EIF5B: variants seen among roughly 807,000 people sequenced by gnomAD.
EIF5B encodes eIF-5B.
In EIF5B, 47 loss-of-function variants were observed where a neutral mutation model predicts 147.5. That is an observed-to-expected ratio of 0.32 (90% CI 0.25 to 0.41). EIF5B has a LOEUF of 0.41. Among genes scored for constraint, EIF5B ranks in the 10% least tolerant of loss-of-function variants. The probability of loss-of-function intolerance (pLI) is 1.00; values close to 1 mark genes in which losing one functional copy is unlikely to be tolerated. For synonymous variants in EIF5B, 455 were observed against 456.2 expected (o/e 1.00, Z 0.03); for missense variants, 1,064 against 1,413.2 (o/e 0.75, Z 3.96).
intron 1 of EIF5B, among the ~76,000 whole-genome samples, chr2:99,354,992 C>T (rs749814020): frequency 6.6e-5 from 10 of 151,822 alleles, no homozygotes; most frequent in Non-Finnish European, 1.2e-4. Context: ...TTAGTAGAGA[C>T]GGAGTTTTAC....
At position 99,392,998 on chromosome 2, in the gene EIF5B, C is replaced by A; in HGVS notation, c.2780C>A (p.Ala927Glu). ...NQYEKHKEVE[A>E]AQGVKILGKD... ...TATGAAAAGCATAAAGAAGTAGAAGCAGCTCAGGGGGTAAAGATTCTTGGA... is the reference window on the plus strand; with the variant it reads ...TATGAAAAGCATAAAGAAGTAGAAGAAGCTCAGGGGGTAAAGATTCTTGGA... The change falls in exon 18 of 24, where the codon GCA (alanine) becomes GAA (glutamate). Residue 927 changes from alanine to glutamate, a missense_variant. Transcript: ENST00000289371. 6.4e-7 allele frequency: 1 copy of A among 1,566,972 alleles called. No individual in the cohort carries two copies.
At chr2:99,339,076 G>A (rs2094252752) in intron 1 of EIF5B, among the ~76,000 whole-genome samples, 1 of 146,258 alleles carries the variant, frequency 6.8e-6, no homozygotes, top group Non-Finnish European at 1.5e-5. Flanking sequence ...GGGCAATGGC[G>A]CGATCTCGGC....
chr2:99,378,993 TG>T, intron 10 of EIF5B, 25 bp from the exon 11 acceptor site: 1 of 1,433,516 alleles, frequency 7.0e-7, no homozygotes. Context: ...ATTTAATTTT[TG>T]ATTTTTTTTT....
intron 1 of EIF5B, among the ~76,000 whole-genome samples, chr2:99,353,707 C>T (rs1448848494): frequency 6.6e-6 from 1 of 152,316 alleles, no homozygotes; most frequent in East Asian, 1.9e-4. Context: ...TCACCTGTCT[C>T]TAACCTCAGG....
chr2:99,344,570 G>A (rs1020463726), intron 1 of EIF5B, among the ~76,000 whole-genome samples: 2 of 152,070 alleles, frequency 1.3e-5, no homozygotes, highest in Non-Finnish European at 2.9e-5. Flanking sequence ...CGGAGTAGCT[G>A]GGATTTTAGG....
intron 1 of EIF5B, among the ~76,000 whole-genome samples, chr2:99,350,165 G>A (rs543549962): frequency 2.8e-4 from 42 of 152,166 alleles, no homozygotes; most frequent in African/African-American, 9.6e-4. Flanking sequence ...CTGTGTAGAC[G>A]TACATTTTCT....
At chr2:99,363,235 A>G (rs1674257590) in intron 4 of EIF5B, among the ~76,000 whole-genome samples, 1 of 152,212 alleles carries the variant, frequency 6.6e-6, no homozygotes, top group Non-Finnish European at 1.5e-5. Flanking sequence ...TCCATCTTGT[A>G]GAAGTGAAAT....
chr2:99,374,288 TAA>T (rs33936603), intron 9 of EIF5B, among the ~76,000 whole-genome samples: 44,321 of 108,444 alleles, frequency 0.41, 8,235 homozygotes, highest in Middle Eastern at 0.46. Flanking sequence ...GACTCTTACC[TAA>T]AAAAAAAAAA....
intron 7 of EIF5B, 52 bp from the exon 8 acceptor site, chr2:99,369,340 C>A: frequency 6.9e-7 from 1 of 1,451,842 alleles, no homozygotes. Context: ...AGTATCTTAA[C>A]AGAAATTATA....
Position 99,361,615 on chromosome 2 carries a change from C to A in EIF5B, c.714C>A (p.Arg238=). The A allele has an allele frequency of 6.3e-7, 1 of 1,593,812 alleles. No homozygotes were observed. The highest frequency in any genetic ancestry group is 1.2e-5 in the South Asian group (1 of 85,844). The stretch of plus-strand genomic sequence containing the variant: ...AAAAGAAGGCAGAAAAGAAGGAGCG[C>A]GAGAGAAAAAAGCGAGATGAAGAAA... The part of the protein sequence containing the change: ...VAQKKAEKKE[R]ERKKRDEEKA... The change falls in exon 4 of 24, where the codon CGC becomes CGA. Residue 238 remains arginine, a synonymous_variant. Coordinates refer to ENST00000289371, the MANE Select transcript of EIF5B (RefSeq NM_015904.4).
At chr2:99,345,518 C>T (rs188205346) in intron 1 of EIF5B, among the ~76,000 whole-genome samples, 7 of 147,386 alleles carry the variant, frequency 4.7e-5, no homozygotes, top group East Asian at 4.0e-4. Context: ...TGCTTGAACC[C>T]GGGAGGTGGA....
At chr2:99,349,197 A>G (rs2094279120) in intron 1 of EIF5B, among the ~76,000 whole-genome samples, 1 of 152,240 alleles carries the variant, frequency 6.6e-6, no homozygotes, top group Admixed American at 6.5e-5. Flanking sequence ...CCTCTCAAAG[A>G]GTGTCAGAGA....
At chr2:99,382,666 C>T (rs1674714394) in intron 13 of EIF5B, 114 bp from the exon 14 acceptor site, 5 of 1,071,470 alleles carry the variant, frequency 4.7e-6, no homozygotes, top group Non-Finnish European at 6.3e-6. Flanking sequence ...AGTACTTGAA[C>T]AATTTAATAC....
At chr2:99,388,935 G>A (rs1212706439) in intron 14 of EIF5B, among the ~76,000 whole-genome samples, 1 of 152,108 alleles carries the variant, frequency 6.6e-6, no homozygotes, top group Non-Finnish European at 1.5e-5. Flanking sequence ...TCTAATATAA[G>A]CATTTAAAAG....
intron 4 of EIF5B, 102 bp downstream of exon 4, chr2:99,361,922 A>G (rs1423705880): frequency 3.2e-5 from 35 of 1,109,598 alleles, no homozygotes; most frequent in South Asian, 7.9e-5. Flanking sequence ...CCATGGGTAT[A>G]AAGACACTTG....
At chr2:99,354,652 A>G (rs559886864) in intron 1 of EIF5B, among the ~76,000 whole-genome samples, 15 of 152,220 alleles carry the variant, frequency 9.9e-5, no homozygotes, top group African/African-American at 3.6e-4. Context: ...TTTTTTAAGT[A>G]CATCATATAT....
intron 8 of EIF5B, among the ~76,000 whole-genome samples, 172 bp from the exon 9 acceptor site, chr2:99,371,484 G>A (rs1329846949): frequency 1.7e-5 from 2 of 115,934 alleles, no homozygotes; most frequent in Non-Finnish European, 3.6e-5. Context: ...CAAAGACTCC[G>A]TCTCAAAAAA....
intron 1 of EIF5B, among the ~76,000 whole-genome samples, chr2:99,352,415 C>T (rs1393767508): frequency 6.6e-6 from 1 of 151,230 alleles, no homozygotes; most frequent in Non-Finnish European, 1.5e-5. Context: ...GGCTGGTATC[C>T]AACTCCCAAC....
intron 1 of EIF5B, among the ~76,000 whole-genome samples, chr2:99,338,978 A>G (rs1346960415): frequency 7.0e-6 from 1 of 142,272 alleles, no homozygotes; most frequent in Non-Finnish European, 1.5e-5. Context: ...ATATATATAT[A>G]CAAATATATA....
Sources: allele counts gnomAD v4.1 joint callset (sites outside exome capture counted in the v4.1 genomes callset), GRCh38; gene constraint gnomAD v4.1.1; transcripts MANE v1.5; gene names NCBI Gene and HGNC (gene_info 2026-07-23, HGNC 2026-07-21).